HAPSTR1: variants seen among roughly 807,000 people sequenced by gnomAD.
HAPSTR1 encodes HUWE1 associated protein modifying stress responses, also known as HUWE1-associated protein modifying stress responses 1.
At chr16:9,094,914 G>A in the HAPSTR1 span, among the ~76,000 whole-genome samples, 1 of 152,158 alleles carries the variant, frequency 6.6e-6, no homozygotes, top group Non-Finnish European at 1.5e-5. Context: ...AGCAGTTTTC[G>A]TTAGTGCTAA....
the HAPSTR1 span, chr16:9,112,252 T>G: frequency 6.6e-6 from 1 of 152,236 alleles, no homozygotes; most frequent in African/African-American, 2.4e-5. Context: ...AACACAACTT[T>G]GTGCAAAAGG....
chr16:9,092,162 C>G, the HAPSTR1 span: 1 of 1,568,020 alleles, frequency 6.4e-7, no homozygotes, highest in East Asian at 2.3e-5. Flanking sequence ...GCAGCTGCCC[C>G]CCGAGCTGCA....
At chr16:9,115,081 G>T in the HAPSTR1 span, among the ~76,000 whole-genome samples, 6 of 152,286 alleles carry the variant, frequency 3.9e-5, no homozygotes, top group African/African-American at 1.4e-4. Flanking sequence ...AGAGTGCGGA[G>T]TTGAGCACCT....
the HAPSTR1 span, chr16:9,102,919 C>G: frequency 6.5e-7 from 1 of 1,527,650 alleles, no homozygotes; most frequent in Non-Finnish European, 8.8e-7. Flanking sequence ...AAATGGTTTT[C>G]TTTAGAAGGG....
At chr16:9,113,964 G>A in the HAPSTR1 span, among the ~76,000 whole-genome samples, 505 of 152,260 alleles carry the variant, frequency 3.3e-3, 3 homozygotes, top group African/African-American at 0.011. Flanking sequence ...CAACATGAGG[G>A]GGTAGGACTT....
At chr16:9,106,055 C>T in the HAPSTR1 span, 4 of 152,104 alleles carry the variant, frequency 2.6e-5, no homozygotes, top group African/African-American at 4.8e-5. Context: ...CAGTCATTGC[C>T]CTTGTAAGCC....
chr16:9,114,562 A>G, the HAPSTR1 span, among the ~76,000 whole-genome samples: 1 of 152,170 alleles, frequency 6.6e-6, no homozygotes, highest in African/African-American at 2.4e-5. Context: ...AGAGCTGCAA[A>G]TTGCATGATG....
At chr16:9,101,216 T>C in the HAPSTR1 span, among the ~76,000 whole-genome samples, 1 of 152,228 alleles carries the variant, frequency 6.6e-6, no homozygotes, top group Non-Finnish European at 1.5e-5. Flanking sequence ...CCCTTTAGGG[T>C]TGGCTCATCT....
At chr16:9,109,282 A>T in the HAPSTR1 span, 1 of 152,090 alleles carries the variant, frequency 6.6e-6, no homozygotes, top group South Asian at 2.1e-4. Context: ...GTCTGCCTTC[A>T]TTCTGAGGTA....
chr16:9,109,467 A>G, the HAPSTR1 span: 1 of 152,212 alleles, frequency 6.6e-6, no homozygotes, highest in Non-Finnish European at 1.5e-5. Context: ...AGACTGTTCC[A>G]TAAAAGTCAG....
At chr16:9,119,123 A>G in the HAPSTR1 span, 1 of 152,716 alleles carries the variant, frequency 6.5e-6, no homozygotes, top group East Asian at 1.9e-4. Context: ...AATGCACCTA[A>G]TGAATTTGTC....
the HAPSTR1 span, among the ~76,000 whole-genome samples, chr16:9,096,465 C>T: frequency 4.6e-4 from 70 of 152,252 alleles, no homozygotes; most frequent in African/African-American, 1.6e-3. Flanking sequence ...GCCCTTAAGT[C>T]CTCACTTTTG....
the HAPSTR1 span, among the ~76,000 whole-genome samples, chr16:9,095,777 G>A: frequency 6.6e-6 from 1 of 152,152 alleles, no homozygotes; most frequent in Non-Finnish European, 1.5e-5. Flanking sequence ...TTGAACTTCA[G>A]CAAGGACAGA....
At chr16:9,119,248 T>A in the HAPSTR1 span, 26 of 152,400 alleles carry the variant, frequency 1.7e-4, no homozygotes, top group African/African-American at 6.3e-4. Flanking sequence ...GAAAAACTTC[T>A]GACAGCTAGG....
the HAPSTR1 span, chr16:9,092,319 G>GC: frequency 3.5e-6 from 5 of 1,421,076 alleles, no homozygotes; most frequent in Non-Finnish European, 4.6e-6. Flanking sequence ...CCCCGCCCGG[G>GC]CCCGGCCCCG....
At chr16:9,119,385 AC>A in the HAPSTR1 span, 1 of 152,246 alleles carries the variant, frequency 6.6e-6, no homozygotes, top group African/African-American at 2.4e-5. Context: ...GGATTTAAAA[AC>A]TAGACAGTTT....
At chr16:9,114,001 G>C in the HAPSTR1 span, among the ~76,000 whole-genome samples, 167 of 152,338 alleles carry the variant, frequency 1.1e-3, no homozygotes, top group African/African-American at 3.7e-3. Flanking sequence ...TTCAGAATTC[G>C]TAAGTGCCAG....
chr16:9,105,780 C>G, the HAPSTR1 span: 2 of 152,280 alleles, frequency 1.3e-5, no homozygotes, highest in African/African-American at 4.8e-5. Flanking sequence ...TAAATTCATG[C>G]GTTTGGCAAG....
the HAPSTR1 span, chr16:9,107,255 T>C: frequency 1.3e-5 from 2 of 152,246 alleles, no homozygotes; most frequent in Non-Finnish European, 2.9e-5. Context: ...ATTCTCTATA[T>C]GGCAGATTCG....
Sources: allele counts gnomAD v4.1 joint callset (sites outside exome capture counted in the v4.1 genomes callset), GRCh38; gene constraint gnomAD v4.1.1; transcripts MANE v1.5; gene names NCBI Gene and HGNC (gene_info 2026-07-23, HGNC 2026-07-21).